CDK14: variants seen among roughly 807,000 people sequenced by gnomAD.
CDK14 encodes the protein cyclin-dependent kinase 14.
A neutral mutation model predicts 60.7 loss-of-function variants in CDK14; 34 were observed. The observed-to-expected ratio is 0.56, with a 90% CI of 0.43 to 0.75. The LOEUF is 0.75. Among genes scored for constraint, CDK14 ranks in the 30% least tolerant of loss-of-function variants. The probability of loss-of-function intolerance (pLI) is 0.00; values close to 1 mark genes in which losing one functional copy is unlikely to be tolerated. For synonymous variants in CDK14, 197 were observed against 203.7 expected (o/e 0.97, Z 0.28); for missense variants, 482 against 564.1 (o/e 0.85, Z 1.47).
intron 14 of CDK14, among the ~76,000 whole-genome samples, chr7:91,192,395 C>T (rs1802390027): frequency 6.6e-6 from 1 of 152,196 alleles, no homozygotes; most frequent in African/African-American, 2.4e-5. Flanking sequence ...CTCCAGCTTG[C>T]ATTTCTGAGT....
intron 14 of CDK14, among the ~76,000 whole-genome samples, chr7:91,163,115 C>T (rs947476488): frequency 6.6e-6 from 1 of 152,190 alleles, no homozygotes; most frequent in African/African-American, 2.4e-5. Context: ...GGAGTTTCTC[C>T]CTGACCCACA....
chr7:90,869,963 T>C (rs1791312912), intron 6 of CDK14, among the ~76,000 whole-genome samples: 1 of 152,216 alleles, frequency 6.6e-6, no homozygotes, highest in Non-Finnish European at 1.5e-5. Context: ...CTCGTAATGC[T>C]AAGCCAGGAT....
At chr7:90,973,323 T>C (rs1006165033) in intron 9 of CDK14, among the ~76,000 whole-genome samples, 6 of 152,190 alleles carry the variant, frequency 3.9e-5, no homozygotes, top group Admixed American at 3.9e-4. Context: ...TTGTTCCTGC[T>C]GCACATATGG....
intron 11 of CDK14, among the ~76,000 whole-genome samples, chr7:91,047,285 G>A (rs867268696): frequency 2.0e-5 from 3 of 152,186 alleles, no homozygotes; most frequent in Non-Finnish European, 2.9e-5. Context: ...AAAGTTAGAT[G>A]CAAAAAGGAA....
In CDK14 at chr7:90,899,306, C is replaced by A; in HGVS notation, c.655C>A (p.Gln219Lys). The part of the protein sequence containing the change: ...VFEYVHTDLC[Q>K]YMDKHPGGLH... Reference sequence around the variant, plus strand: ...TCTTTTCTAGCACACTGATTTATGTCAGTACATGGACAAGCACCCTGGGGG... The same window carrying A: ...TCTTTTCTAGCACACTGATTTATGTAAGTACATGGACAAGCACCCTGGGGG... Residue 219 changes from glutamine to lysine, a missense_variant, in exon 7 of 15, where the codon CAG (glutamine) becomes AAG (lysine). Gln to Lys is a moderately conservative substitution (Grantham distance 53). Transcript: ENST00000380050. 1.2e-6 allele frequency: 2 copies of A among 1,601,902 alleles called. No homozygotes were observed. Among genetic ancestry groups the A allele is most frequent in the South Asian group, 1.1e-5 (1 of 88,588 alleles).
chr7:91,117,758 G>A (rs1413670023), intron 13 of CDK14, among the ~76,000 whole-genome samples: 1 of 152,106 alleles, frequency 6.6e-6, no homozygotes, highest in Non-Finnish European at 1.5e-5. Flanking sequence ...TTTTTCCAAT[G>A]AATGAGAGAA....
At chr7:90,659,767 CAAGT>C (rs1047079534) in intron 2 of CDK14, among the ~76,000 whole-genome samples, 15 of 150,976 alleles carry the variant, frequency 9.9e-5, no homozygotes, top group African/African-American at 3.6e-4. Flanking sequence ...GGGAAAGTTC[CAAGT>C]AATTCAGAAA....
chr7:91,096,739 T>G (rs1193360229), intron 12 of CDK14, among the ~76,000 whole-genome samples: 1 of 152,208 alleles, frequency 6.6e-6, no homozygotes, highest in East Asian at 1.9e-4. Flanking sequence ...AAAGGAGTGC[T>G]GTGCAGTAAA....
At position 90,889,298 on chromosome 7, in the gene CDK14, G is replaced by A. The variant is rs147581456; in HGVS notation, c.640-9993G>A. Among the ~76,000 whole-genome samples, 196 of 152,320 alleles carry A rather than the reference G, an allele frequency of 1.3e-3. 2 individuals are homozygous for A. Among genetic ancestry groups the A allele is most frequent in the Middle Eastern group, 3.4e-3 (1 of 294 alleles). ...GCAATAGTCTTACTGCCTGGACAGA[G>A]CTATATAATTTGTCTATCCATGATG... On this transcript the variant is annotated intron_variant, in intron 6 of 14. Transcript: ENST00000380050.
intron 14 of CDK14, among the ~76,000 whole-genome samples, chr7:91,128,615 A>G (rs1800021476): frequency 6.6e-6 from 1 of 152,186 alleles, no homozygotes; most frequent in Non-Finnish European, 1.5e-5. Context: ...AAAATGTTAT[A>G]ATAAAATAAT....
At chr7:90,627,732 T>G (rs1487572950) in intron 2 of CDK14, among the ~76,000 whole-genome samples, 1 of 152,132 alleles carries the variant, frequency 6.6e-6, no homozygotes, top group African/African-American at 2.4e-5. Flanking sequence ...CCTAAACAGG[T>G]GCTACTGAAG....
intron 4 of CDK14, among the ~76,000 whole-genome samples, chr7:90,781,404 G>C (rs1390192793): frequency 2.0e-5 from 3 of 151,792 alleles, no homozygotes; most frequent in Non-Finnish European, 4.4e-5. Context: ...TTGCTGTGCA[G>C]AAGCTCTTTA....
chr7:91,173,892 C>T (rs1253106334), intron 14 of CDK14, among the ~76,000 whole-genome samples: 1 of 152,252 alleles, frequency 6.6e-6, no homozygotes, highest in Admixed American at 6.5e-5. Context: ...GGGCACCCGC[C>T]ATTGCACAGG....
At chr7:90,787,299 A>G (rs1805635849) in intron 4 of CDK14, among the ~76,000 whole-genome samples, 1 of 151,176 alleles carries the variant, frequency 6.6e-6, no homozygotes, top group South Asian at 2.1e-4. Context: ...CTGGATGCAA[A>G]AAGGTTAATT....
chr7:90,642,109 A>G (rs1353980821), intron 2 of CDK14, among the ~76,000 whole-genome samples: 3 of 152,346 alleles, frequency 2.0e-5, no homozygotes, highest in African/African-American at 7.2e-5. Context: ...GTGGGGACGC[A>G]GAGCCAAACC....
chr7:90,816,762 A>G (rs1789372019), intron 5 of CDK14, among the ~76,000 whole-genome samples: 1 of 152,202 alleles, frequency 6.6e-6, no homozygotes, highest in South Asian at 2.1e-4. Context: ...AAGTGACTGA[A>G]TTCATGTGGT....
chr7:90,971,946 C>T, intron 9 of CDK14, among the ~76,000 whole-genome samples: 1 of 152,172 alleles, frequency 6.6e-6, no homozygotes, highest in Non-Finnish European at 1.5e-5. Context: ...TCCAAGTCAG[C>T]AGCAGGCCAC....
intron 2 of CDK14, among the ~76,000 whole-genome samples, chr7:90,650,925 G>C (rs1209440735): frequency 6.6e-6 from 1 of 152,158 alleles, no homozygotes; most frequent in African/African-American, 2.4e-5. Flanking sequence ...GCTTAGGATT[G>C]TCTTGGCAAT....
intron 8 of CDK14, among the ~76,000 whole-genome samples, chr7:90,950,477 G>T (rs1039837250): frequency 6.6e-6 from 1 of 152,172 alleles, no homozygotes; most frequent in African/African-American, 2.4e-5. Flanking sequence ...AATAAGAGAT[G>T]ATATGAGGAC....
Sources: allele counts gnomAD v4.1 joint callset (sites outside exome capture counted in the v4.1 genomes callset), GRCh38; gene constraint gnomAD v4.1.1; transcripts MANE v1.5; gene names NCBI Gene and HGNC (gene_info 2026-07-23, HGNC 2026-07-21).